SPTAN1: variants seen among roughly 807,000 people sequenced by gnomAD.
SPTAN1 encodes the protein spectrin alpha, non-erythrocytic 1.
SPTAN1 carries 61 observed loss-of-function variants against 331.3 expected under a neutral mutation model. That is an observed-to-expected ratio of 0.18 (90% CI 0.15 to 0.23). SPTAN1 has a LOEUF of 0.23. SPTAN1 is among the 10% of genes least tolerant of loss of function. The probability of loss-of-function intolerance (pLI) is 1.00; values close to 1 mark genes in which losing one functional copy is unlikely to be tolerated. For missense variants in SPTAN1, 2,043 were observed against 3,147.9 expected (o/e 0.65, Z 8.40); for synonymous variants, 1,153 against 1,173.9 (o/e 0.98, Z 0.36).
At chr9:128,631,478 T>C (rs1282258181) in intron 52 of SPTAN1, 2 of 152,546 alleles carry the variant, frequency 1.3e-5, no homozygotes, top group African/African-American at 4.8e-5. Flanking sequence ...TACTTGGGCA[T>C]GGTGGCCTAC....
rs1453358248 is a variant in SPTAN1 at position 128,624,061 on chromosome 9, C to T, written c.5833-267C>T. On this transcript the variant is annotated intron_variant, in intron 45 of 56. Coordinates refer to ENST00000372739, the MANE Select transcript of SPTAN1 (RefSeq NM_001130438.3). ...TCACGCCACTGCATTCCAGCCTGGG[C>T]GACGGAGTGAAATTCACTCCGTCTC... Among the ~76,000 whole-genome samples, 8 of 123,078 alleles carry T rather than the reference C, an allele frequency of 6.5e-5. No individual in the cohort carries two copies. In the East Asian group the frequency reaches 1.8e-3, roughly 28 times the overall value. 80.7% of individuals were successfully genotyped at this position (123,078 alleles called of 152,430 possible).
At position 128,627,561 on chromosome 9, in the gene SPTAN1, C is replaced by CT. The variant is rs112416122; in HGVS notation, c.6689+65dup. 251 of 1,434,084 alleles carry CT rather than the reference C, an allele frequency of 1.8e-4. 1 individual carries two copies. The African/African-American group carries it at 2.8e-3, about 16-fold the overall frequency. 88.8% of individuals were successfully genotyped at this position (1,434,084 alleles called of 1,614,324 possible). A position where few individuals can be genotyped will look rare whatever the true frequency, so the allele number is the denominator to read the frequency against. On this transcript the variant is annotated intron_variant, in intron 50 of 56. Coordinates refer to ENST00000372739, the MANE Select transcript of SPTAN1 (RefSeq NM_001130438.3). This position sits in a 1 kb window ranked among gnomAD's most constrained non-coding sequence, Gnocchi z 4.9. ...CCTGCTGTACTTAAGCCCTGGGGAG[C>CT]TTCCAGCCCCAAGGAGGTGGTGGTG...
intron 45 of SPTAN1, among the ~76,000 whole-genome samples, chr9:128,623,406 T>C (rs147609987): frequency 1.9e-4 from 29 of 152,028 alleles, no homozygotes; most frequent in African/African-American, 6.3e-4. Flanking sequence ...AGTTTTTTTC[T>C]ATCAAAAATA....
intron 37 of SPTAN1, among the ~76,000 whole-genome samples, chr9:128,610,910 A>G (rs1228906477): frequency 6.6e-6 from 1 of 152,244 alleles, no homozygotes; most frequent in Non-Finnish European, 1.5e-5. Context: ...AACAGAGGGA[A>G]AAGACTGACC....
At chr9:128,563,957 G>C (rs7023384) in intron 1 of SPTAN1, among the ~76,000 whole-genome samples, 3 of 152,030 alleles carry the variant, frequency 2.0e-5, no homozygotes, top group Non-Finnish European at 2.9e-5. Flanking sequence ...AACATTTCTT[G>C]ATGACCTCTG....
rs1477926744 is a variant in SPTAN1, at chr9:128,625,521, G to A, written c.6070-248G>A. Among the ~76,000 whole-genome samples the A allele has an allele frequency of 6.6e-6, 1 of 152,190 alleles. No homozygotes were observed. Among genetic ancestry groups the A allele is most frequent in the Non-Finnish European group, 1.5e-5 (1 of 68,038 alleles). The stretch of plus-strand genomic sequence containing the variant: ...AGAGGCAGGGCGAGTGTTCTGGGCA[G>A]AGCTGGCAGGGATCCCTGGGGCGGG... On this transcript the variant is annotated intron_variant, in intron 47 of 56. Coordinates refer to ENST00000372739, the MANE Select transcript of SPTAN1 (RefSeq NM_001130438.3). This position sits in a 1 kb window ranked among gnomAD's most constrained non-coding sequence, Gnocchi z 4.1.
chr9:128,588,890 G>A lies in SPTAN1; in HGVS notation c.2953G>A (p.Glu985Lys). The A allele has an allele frequency of 6.2e-7, 1 of 1,614,134 alleles. No homozygotes were observed. Among genetic ancestry groups the A allele is most frequent in the Non-Finnish European group, 8.5e-7 (1 of 1,180,024 alleles). Residue 985 changes from glutamate (E) to lysine (K), a missense_variant, in exon 21 of 57, where the codon GAG becomes AAG. Physicochemically the swap from Glu to Lys is moderately conservative, Grantham distance 56. Around this residue, in one of 12 missense-constraint regions of SPTAN1, gnomAD observed 1,038 missense variants for 1,531.5 expected, o/e 0.68. Transcript: ENST00000372739. ...LYDYQEKSPR[E>K]VTMKKGDILT... is the part of the protein sequence containing the mutation. Reference sequence around the variant, plus strand: ...CGACTATCAGGAGAAGAGTCCCCGAGAGGTCACCATGAAGAAGGGAGATAT... The same window carrying A: ...CGACTATCAGGAGAAGAGTCCCCGAAAGGTCACCATGAAGAAGGGAGATAT...
At chr9:128,591,665 A>G (rs745999155) in intron 22 of SPTAN1, 40 bp downstream of exon 22, 8 of 1,611,804 alleles carry the variant, frequency 5.0e-6, no homozygotes, top group Admixed American at 3.3e-5. Flanking sequence ...TAGGCGTCCC[A>G]TAGGCATACT....
chr9:128,578,517 T>C (rs781170748), intron 9 of SPTAN1, among the ~76,000 whole-genome samples: 1 of 152,284 alleles, frequency 6.6e-6, no homozygotes, highest in East Asian at 1.9e-4. Context: ...ACTTGGCACA[T>C]TGATCCTTTG....
intron 28 of SPTAN1, 149 bp from the exon 29 acceptor site, chr9:128,604,177 G>A: frequency 1.2e-6 from 1 of 851,444 alleles, no homozygotes; most frequent in Non-Finnish European, 1.9e-6. Context: ...CTGGAATATT[G>A]TATACTAATT....
chr9:128,593,264 G>A (rs1853779179), intron 23 of SPTAN1: 1 of 614,750 alleles, frequency 1.6e-6, no homozygotes. Context: ...GTGCAGCTGT[G>A]TGTTCAGAGT....
In SPTAN1 at chr9:128,581,796, T is replaced by C. The variant is rs779152265; in HGVS notation, c.1476T>C (p.Asn492=). The part of the protein sequence containing the change: ...WMSKQEAFLL[N]EDLGDSLDSV... The stretch of plus-strand genomic sequence containing the variant: ...CCTTTGGCAAGGCGTTCCTGTTGAA[T>C]GAAGACTTGGGAGATTCCTTGGATA... Residue 492 remains asparagine (N), a synonymous_variant, in exon 12 of 57, where the codon AAT becomes AAC. Coordinates refer to ENST00000372739, the MANE Select transcript of SPTAN1 (RefSeq NM_001130438.3). 8 of 1,614,054 alleles carry C rather than the reference T, an allele frequency of 5.0e-6. No individual in the cohort carries two copies. The South Asian group carries it at 8.8e-5, about 18-fold the overall frequency.
At chr9:128,599,865 T>C in intron 26 of SPTAN1, 1 of 597,912 alleles carries the variant, frequency 1.7e-6, no homozygotes, top group Non-Finnish European at 3.0e-6. Flanking sequence ...ATAAAAAAAT[T>C]GGAATTTTTC....
chr9:128,600,193 C>G (rs1233117804), intron 27 of SPTAN1, 78 bp downstream of exon 27: 1 of 1,479,588 alleles, frequency 6.8e-7, no homozygotes, highest in Non-Finnish European at 9.5e-7. Context: ...GTGTGCCTTT[C>G]TCTGAATATT....
rs373973880 is a variant in SPTAN1, at chr9:128,582,732, G to T, written c.1689G>T (p.Met563Ile). ...GCAATGCCCTTCACGAGAGAGCCAT[G>T]CGTCGCCGGGCCCAGCTAGCCGATT... ...SRRNALHERA[M>I]RRRAQLADSF... Residue 563 changes from methionine (M) to isoleucine (I), a missense_variant, in exon 14 of 57, where the codon ATG becomes ATT. Transcript: ENST00000372739. The T allele has an allele frequency of 5.4e-5, 87 of 1,613,892 alleles. No individual in the cohort carries two copies. Among genetic ancestry groups the T allele is most frequent in the Non-Finnish European group, 7.1e-5 (84 of 1,180,046 alleles).
intron 45 of SPTAN1, among the ~76,000 whole-genome samples, chr9:128,622,686 T>C (rs1858065499): frequency 6.6e-6 from 1 of 152,214 alleles, no homozygotes; most frequent in African/African-American, 2.4e-5. Context: ...TTTCCCCCTT[T>C]CCACAGGTGT....
At chr9:128,567,039 A>C in intron 2 of SPTAN1, 62 bp downstream of exon 2, 1 of 1,609,394 alleles carries the variant, frequency 6.2e-7, no homozygotes, top group Non-Finnish European at 8.5e-7. Context: ...TTACCCAAAA[A>C]TCAGACGAGG....
In SPTAN1 at chr9:128,624,542, C is replaced by T. The variant is rs542144327; in HGVS notation, c.5992+55C>T. ...CCTTCCCAGAGCTGCTCTTTGTCTC[C>T]TTCCGTGTCATTGGTTTTCTTCTGC... On this transcript the variant is annotated intron_variant, in intron 46 of 56. Transcript: ENST00000372739. 6.3e-6 allele frequency: 10 copies of T among 1,596,440 alleles called. No individual in the cohort carries two copies. In the African/African-American group the frequency reaches 1.3e-4, roughly 21 times the overall value.
At chr9:128,630,410 C>G (rs749366800) in intron 52 of SPTAN1, 35 bp downstream of exon 52, 7 of 1,609,838 alleles carry the variant, frequency 4.3e-6, no homozygotes, top group Non-Finnish European at 5.9e-6. Flanking sequence ...CAGCAGAGAC[C>G]CTTCACCCAG....
Sources: allele counts gnomAD v4.1 joint callset (sites outside exome capture counted in the v4.1 genomes callset), GRCh38; gene constraint gnomAD v4.1.1; regional missense constraint gnomAD v4.1.1; non-coding constraint Gnocchi (gnomAD v3.1); transcripts MANE v1.5; gene names NCBI Gene and HGNC (gene_info 2026-07-23, HGNC 2026-07-21).